Variants in COBLL1 observed in about 807,000 individuals in gnomAD.
COBLL1 encodes the protein cordon-bleu WH2 repeat protein like 1.
A neutral mutation model predicts 94.8 loss-of-function variants in COBLL1; 50 were observed. The observed-to-expected ratio is 0.53, with a 90% CI of 0.42 to 0.67. The LOEUF (loss-of-function observed/expected upper bound fraction) is 0.67, where lower values mean the gene tolerates loss of function less well. Among genes scored for constraint, COBLL1 ranks in the 30% least tolerant of loss-of-function variants. COBLL1 has a pLI of 0.00. For missense variants in COBLL1, 1,362 were observed against 1,348.7 expected (o/e 1.01, Z -0.15); for synonymous variants, 448 against 473.8 (o/e 0.95, Z 0.71).
chr2:164,759,083 C>A (rs1256804673), intron 2 of COBLL1, among the ~76,000 whole-genome samples: 1 of 151,882 alleles, frequency 6.6e-6, no homozygotes, highest in East Asian at 1.9e-4. Flanking sequence ...CCAAGCAAGC[C>A]CACTGGTAGA....
intron 4 of COBLL1, 138 bp from the exon 5 acceptor site, chr2:164,728,335 T>G: frequency 1.7e-6 from 1 of 593,642 alleles, no homozygotes; most frequent in Non-Finnish European, 2.9e-6. Flanking sequence ...TGTGAAATTC[T>G]CTTTTTGATT....
chr2:164,710,565 TC>T (rs1421851714), intron 7 of COBLL1, among the ~76,000 whole-genome samples: 1 of 104,514 alleles, frequency 9.6e-6, no homozygotes, highest in African/African-American at 5.4e-5. Flanking sequence ...GCAGCAGCAT[TC>T]TTTTTTTTTT....
In COBLL1 at chr2:164,841,728, C is replaced by T; in HGVS notation, c.-69G>A. The T allele has an allele frequency of 1.9e-6, 1 of 516,460 alleles. No individual in the cohort carries two copies. The highest frequency in any genetic ancestry group is 3.5e-5 in the East Asian group (1 of 28,642). 32.0% of individuals were successfully genotyped at this position (516,460 alleles called of 1,614,324 possible). The stretch of plus-strand genomic sequence containing the variant: ...CTCCTACGTTCTTTTCCAAAGGAGA[C>T]AGTAGCTCGCCTGTTCTCCCTCGCG... On this transcript the variant is annotated 5_prime_UTR_variant, in exon 1 of 14. Coordinates refer to ENST00000652658, the MANE Select transcript of COBLL1 (RefSeq NM_001365672.2). The surrounding 1 kb of genome is among the most constrained non-coding windows in gnomAD (Gnocchi z 5.5).
intron 7 of COBLL1, among the ~76,000 whole-genome samples, chr2:164,707,610 T>G (rs1204444275): frequency 6.6e-6 from 1 of 152,140 alleles, no homozygotes; most frequent in Non-Finnish European, 1.5e-5. Context: ...GAGGCAGAGA[T>G]TTTTTTCCCC....
intron 1 of COBLL1, among the ~76,000 whole-genome samples, chr2:164,670,785 C>A (rs916062069): frequency 2.6e-5 from 4 of 152,106 alleles, no homozygotes; most frequent in Non-Finnish European, 5.9e-5. Flanking sequence ...GAAGCAGAAA[C>A]CAAGGCTAGT....
chr2:164,675,393 T>G (rs1439587821), downstream of COBLL1, among the ~76,000 whole-genome samples: 1 of 152,218 alleles, frequency 6.6e-6, no homozygotes, highest in East Asian at 1.9e-4. Flanking sequence ...ACTTGTCATT[T>G]TGGCCCCATC....
intron 2 of COBLL1, among the ~76,000 whole-genome samples, chr2:164,825,428 C>T (rs545091837): frequency 6.6e-5 from 10 of 152,106 alleles, no homozygotes; most frequent in African/African-American, 2.2e-4. Flanking sequence ...ATTTCCATTA[C>T]GTTTACTTAG....
At chr2:164,704,573 C>T in intron 8 of COBLL1, 55 bp from the exon 9 acceptor site, 1 of 1,373,500 alleles carries the variant, frequency 7.3e-7, no homozygotes, top group Non-Finnish European at 1.0e-6. Flanking sequence ...TAAAACAATT[C>T]CTTAACAGTT....
chr2:164,687,525 T>C, intron 13 of COBLL1: 1 of 1,356,148 alleles, frequency 7.4e-7, no homozygotes, highest in South Asian at 1.2e-5. Flanking sequence ...ACATGGTAAC[T>C]TGGCCAATGT....
chr2:164,687,584 C>G, intron 13 of COBLL1: 1 of 1,179,736 alleles, frequency 8.5e-7, no homozygotes. Context: ...CCTCGCATGC[C>G]TGTTTGAAGC....
chr2:164,840,937 C>T, intron 2 of COBLL1: 1 of 412,822 alleles, frequency 2.4e-6, no homozygotes, highest in Non-Finnish European at 4.1e-6. Flanking sequence ...CCCAGGGCAG[C>T]CCCGGTAGGA....
intron 2 of COBLL1, among the ~76,000 whole-genome samples, chr2:164,774,924 A>G (rs1688390349): frequency 6.6e-6 from 1 of 151,938 alleles, no homozygotes. Flanking sequence ...GCTTGACTGC[A>G]GTAATCATCT....
At chr2:164,745,301 AG>A (rs1177576301) in intron 2 of COBLL1, among the ~76,000 whole-genome samples, 1 of 152,214 alleles carries the variant, frequency 6.6e-6, no homozygotes, top group Non-Finnish European at 1.5e-5. Context: ...GTATAATAAT[AG>A]AAACATATTG....
chr2:164,741,446 C>G (rs1405645342), intron 3 of COBLL1, among the ~76,000 whole-genome samples: 2 of 150,118 alleles, frequency 1.3e-5, no homozygotes, highest in East Asian at 3.9e-4. Context: ...GGTAGTACCA[C>G]AAACAGAGAG....
rs145772644 is a variant in COBLL1 at position 164,752,506 on chromosome 2, G to A, written c.42-8631C>T. 3.2e-4 allele frequency among the ~76,000 whole-genome samples: 49 copies of A among 152,214 alleles called. No individual in the cohort carries two copies. In the East Asian group the frequency reaches 8.1e-3, roughly 25 times the overall value. ...GGTTATTGAATATCTTCTAAGTCCT[G>A]TACAGGTGCTTTTTGTCTACGTTTA... On this transcript the variant is annotated intron_variant, in intron 2 of 13. Transcript: ENST00000652658.
At chr2:164,756,851 G>A (rs1310408589) in intron 2 of COBLL1, among the ~76,000 whole-genome samples, 1 of 152,126 alleles carries the variant, frequency 6.6e-6, no homozygotes, top group Admixed American at 6.6e-5. Flanking sequence ...CAGAGATCGT[G>A]GTTTGTGTCT....
At chr2:164,667,366 T>C (rs541553340) in intron 1 of COBLL1, among the ~76,000 whole-genome samples, 2 of 152,330 alleles carry the variant, frequency 1.3e-5, no homozygotes, top group South Asian at 4.1e-4. Context: ...TGGTTTCAAC[T>C]TAAAGTCACC....
At position 164,694,658 on chromosome 2, in the gene COBLL1, G is replaced by A; in HGVS notation, c.2734C>T (p.Pro912Ser). 1 of 1,613,780 alleles carries A rather than the reference G, an allele frequency of 6.2e-7. No individual in the cohort carries two copies. The highest frequency in any genetic ancestry group is 8.5e-7 in the Non-Finnish European group (1 of 1,179,920). Residue 912 changes from proline (P) to serine (S), a missense_variant, in exon 12 of 14, where the codon CCG (proline) becomes TCG (serine). Pro to Ser is a moderately conservative substitution (Grantham distance 74). Coordinates refer to ENST00000652658, the MANE Select transcript of COBLL1 (RefSeq NM_001365672.2). ...KEAERDMLPS[P>S]EQTLSPLSKM... Reference sequence around the variant, plus strand: ...CTTAAGGGAGAAAGAGTCTGCTCCGGAGAAGGCAGCATATCCCTTTCTGCC... The same window carrying A: ...CTTAAGGGAGAAAGAGTCTGCTCCGAAGAAGGCAGCATATCCCTTTCTGCC...
intron 13 of COBLL1, among the ~76,000 whole-genome samples, chr2:164,691,403 G>A (rs1394013454): frequency 2.4e-4 from 36 of 152,160 alleles, no homozygotes; most frequent in Admixed American, 2.4e-3. Context: ...TTCACAAAAT[G>A]AAATGCCTCG....
Sources: gnomAD v4.1 joint callset for allele counts (sites outside exome capture counted in the v4.1 genomes callset) on GRCh38, gnomAD v4.1.1 for gene constraint, Gnocchi (gnomAD v3.1) non-coding constraint, MANE v1.5 for transcripts, NCBI Gene and HGNC (gene_info 2026-07-23, HGNC 2026-07-21) for gene names.